The following RABGAP1L variants were observed in gnomAD, a reference collection of about 807,000 sequenced individuals.
RABGAP1L encodes rab GTPase-activating protein 1-like.
A neutral mutation model predicts 137.7 loss-of-function variants in RABGAP1L; 63 were observed. That is an observed-to-expected ratio of 0.46 (90% CI 0.37 to 0.56). The LOEUF (loss-of-function observed/expected upper bound fraction) is 0.56. Among genes scored for constraint, RABGAP1L ranks in the 20% least tolerant of loss-of-function variants. The pLI, the probability that RABGAP1L is intolerant of heterozygous loss-of-function variation, is 0.00. For synonymous variants in RABGAP1L, 431 were observed against 433.7 expected (o/e 0.99, Z 0.08); for missense variants, 1,095 against 1,244.0 (o/e 0.88, Z 1.80).
At chr1:174,841,321 G>T (rs1430407466) in intron 19 of RABGAP1L, among the ~76,000 whole-genome samples, 1 of 152,016 alleles carries the variant, frequency 6.6e-6, no homozygotes, top group Non-Finnish European at 1.5e-5. Context: ...TTAGGAAAAA[G>T]AATATCATCA....
At chr1:174,317,818 G>C (rs542962476) in intron 11 of RABGAP1L, among the ~76,000 whole-genome samples, 6 of 152,070 alleles carry the variant, frequency 3.9e-5, no homozygotes, top group Non-Finnish European at 7.4e-5. Context: ...AATTTGTACC[G>C]CTGGGGTCAG....
intron 13 of RABGAP1L, among the ~76,000 whole-genome samples, chr1:174,514,746 CT>C (rs1468580981): frequency 6.6e-6 from 1 of 152,172 alleles, no homozygotes; most frequent in Admixed American, 6.5e-5. Context: ...GCACCACACT[CT>C]TTTTAATCAC....
intron 1 of RABGAP1L, among the ~76,000 whole-genome samples, chr1:174,206,987 T>C (rs568448280): frequency 2.0e-5 from 3 of 152,248 alleles, no homozygotes; most frequent in African/African-American, 7.2e-5. Flanking sequence ...TAAATATTTA[T>C]TGAGCTCCTT....
At chr1:174,276,320 A>C (rs1674997382) in intron 9 of RABGAP1L, among the ~76,000 whole-genome samples, 1 of 151,928 alleles carries the variant, frequency 6.6e-6, no homozygotes, top group African/African-American at 2.4e-5. Context: ...CTAATTTTTA[A>C]ATTTTATTTT....
chr1:174,173,651 T>C (rs966261530), intron 1 of RABGAP1L, among the ~76,000 whole-genome samples: 12 of 152,072 alleles, frequency 7.9e-5, no homozygotes, highest in African/African-American at 2.9e-4. Flanking sequence ...TCTCTGTCGT[T>C]TTTTTTTCAA....
chr1:174,813,286 T>G (rs1690061692), intron 19 of RABGAP1L, among the ~76,000 whole-genome samples: 1 of 152,144 alleles, frequency 6.6e-6, no homozygotes, highest in Non-Finnish European at 1.5e-5. Context: ...GGTTGGAACC[T>G]GAGTATTTTT....
rs769000139 is a variant in RABGAP1L, at chr1:174,637,357, A to G, written c.1711-18A>G. ...GGGAAAAAATTTAATAACCAGGTCTATTTTCTTTCTTTTTTAGGACTCAGC... is the reference window on the plus strand; with the variant it reads ...GGGAAAAAATTTAATAACCAGGTCTGTTTTCTTTCTTTTTTAGGACTCAGC... On this transcript the variant is annotated intron_variant, in intron 13 of 25. Transcript: ENST00000681986. 1.9e-5 allele frequency: 30 copies of G among 1,547,696 alleles called. No individual in the cohort carries two copies. The East Asian group carries it at 4.9e-4, about 26-fold the overall frequency.
chr1:174,883,397 G>C (rs1230287238), intron 19 of RABGAP1L, among the ~76,000 whole-genome samples: 1 of 152,196 alleles, frequency 6.6e-6, no homozygotes, highest in Non-Finnish European at 1.5e-5. Flanking sequence ...GGGATGAATA[G>C]ATAAGGCACC....
chr1:174,343,416 C>T (rs548237983), intron 11 of RABGAP1L, among the ~76,000 whole-genome samples: 4 of 152,220 alleles, frequency 2.6e-5, no homozygotes. Flanking sequence ...TATCTGAGTA[C>T]CCTTTGTCTC....
intron 19 of RABGAP1L, chr1:174,948,757 G>A (rs565501482): frequency 1.3e-5 from 2 of 152,208 alleles, no homozygotes; most frequent in Admixed American, 6.5e-5. Flanking sequence ...TAGGGTGAAT[G>A]TGCTCGATCC....
chr1:174,917,249 C>T (rs1661031518), intron 19 of RABGAP1L, among the ~76,000 whole-genome samples: 1 of 152,088 alleles, frequency 6.6e-6, no homozygotes, highest in Admixed American at 6.6e-5. Flanking sequence ...ACATTCGGTT[C>T]ATATCAGGGA....
At chr1:174,460,359 C>T (rs1195155107) in intron 13 of RABGAP1L, among the ~76,000 whole-genome samples, 1 of 151,966 alleles carries the variant, frequency 6.6e-6, no homozygotes, top group East Asian at 1.9e-4. Context: ...TAGTTCTCTA[C>T]CCAAATATAA....
Position 174,444,788 on chromosome 1 carries a change from C to G in RABGAP1L, c.1710+50643C>G, listed in dbSNP as rs866092631. ...ATTTCTGTGGAGTCAATTGTAATGT[C>G]TTTTCATCTTTGATTTTATTTATTT... On this transcript the variant is annotated intron_variant, in intron 13 of 25. Coordinates refer to ENST00000681986, the MANE Select transcript of RABGAP1L (RefSeq NM_001366446.1). Among the ~76,000 whole-genome samples the G allele has an allele frequency of 2.5e-4, 38 of 152,016 alleles. No homozygotes were observed. The Middle Eastern group carries it at 0.01, about 41-fold the overall frequency.
chr1:174,899,464 A>G (rs12067259), intron 19 of RABGAP1L, among the ~76,000 whole-genome samples: 2,462 of 152,326 alleles, frequency 0.016, 47 homozygotes, highest in African/African-American at 0.056. Context: ...CATTAGGCCA[A>G]TTATTTAAAC....
At chr1:174,612,334 T>C (rs1245012731) in intron 13 of RABGAP1L, among the ~76,000 whole-genome samples, 1 of 152,218 alleles carries the variant, frequency 6.6e-6, no homozygotes, top group African/African-American at 2.4e-5. Flanking sequence ...TTATCTTTGG[T>C]TCTGTTTATA....
intron 15 of RABGAP1L, among the ~76,000 whole-genome samples, chr1:174,696,173 G>T (rs934192240): frequency 6.6e-6 from 1 of 152,040 alleles, no homozygotes; most frequent in African/African-American, 2.4e-5. Context: ...GCCCAGGATG[G>T]ATCTAGAAAT....
chr1:174,534,394 A>G lies in RABGAP1L; in HGVS notation c.1711-102981A>G, dbSNP rs184590751. ...AAACTAGATTAGTACTAAATCCTGT[A>G]TACATTTTCCTATACATATGTACCT... is the stretch of plus-strand genomic sequence containing the variant. On this transcript the variant is annotated intron_variant, in intron 13 of 25. Coordinates refer to ENST00000681986, the MANE Select transcript of RABGAP1L (RefSeq NM_001366446.1). Among the ~76,000 whole-genome samples, 308 of 152,182 alleles carry G rather than the reference A, an allele frequency of 2.0e-3. 1 individual carries two copies. The highest frequency in any genetic ancestry group is 6.8e-3 in the African/African-American group (284 of 41,522).
chr1:174,400,138 A>G (rs1453255608), intron 13 of RABGAP1L, among the ~76,000 whole-genome samples: 1 of 152,212 alleles, frequency 6.6e-6, no homozygotes, highest in Non-Finnish European at 1.5e-5. Flanking sequence ...ATGGCTATCA[A>G]TACATCAAAG....
chr1:174,783,628 T>C (rs978730785), intron 18 of RABGAP1L, among the ~76,000 whole-genome samples: 1 of 152,170 alleles, frequency 6.6e-6, no homozygotes, highest in Non-Finnish European at 1.5e-5. Flanking sequence ...CAATTTGAAA[T>C]TAGTACTGCC....
Sources: gnomAD v4.1 joint callset for allele counts (sites outside exome capture counted in the v4.1 genomes callset) on GRCh38, gnomAD v4.1.1 for gene constraint, MANE v1.5 for transcripts, NCBI Gene and HGNC (gene_info 2026-07-23, HGNC 2026-07-21) for gene names.